PRDM8: variants seen among roughly 807,000 people sequenced by gnomAD.
The protein encoded by PRDM8 is PR domain zinc finger protein 8.
Under a neutral mutation model 46.5 loss-of-function variants are expected in PRDM8, and 13 were observed. The ratio of observed to expected loss-of-function variants is 0.28; its 90% CI spans 0.18 to 0.44. The LOEUF is 0.44. PRDM8 is among the 20% of genes least tolerant of loss of function. PRDM8 has a pLI of 1.00. For missense variants in PRDM8, 998 were observed against 955.0 expected (o/e 1.04, Z -0.59); for synonymous variants, 473 against 438.4 (o/e 1.08, Z -0.98).
intron 1 of PRDM8, among the ~76,000 whole-genome samples, chr4:80,198,451 G>T (rs1738137210): frequency 6.6e-6 from 1 of 152,114 alleles, no homozygotes; most frequent in Admixed American, 6.5e-5. Flanking sequence ...GAGATAAGAG[G>T]TTATGGGGTT....
At chr4:80,191,440 T>C (rs1174716760) in intron 1 of PRDM8, 1 of 143,296 alleles carries the variant, frequency 7.0e-6, no homozygotes. Context: ...TAAAAGGAGA[T>C]TATGAATAAT....
Position 80,201,403 on chromosome 4 carries a change from G to A in PRDM8, c.333G>A (p.Gln111=). 6.2e-7 allele frequency: 1 copy of A among 1,614,240 alleles called. No individual in the cohort carries two copies. Among genetic ancestry groups the A allele is most frequent in the Non-Finnish European group, 8.5e-7 (1 of 1,180,036 alleles). ...QNLEAYIKNG[Q]LFYRSLRRIA... ...TTGAAGCCTACATAAAAAACGGACA[G>A]CTGTTCTACCGCTCTCTCCGCAGGA... The change falls in exon 3 of 4, where the codon CAG becomes CAA. Residue 111 remains glutamine, a synonymous_variant. Coordinates refer to ENST00000415738, the MANE Select transcript of PRDM8 (RefSeq NM_001099403.2).
At chr4:80,196,730 GA>G (rs952025261), upstream of PRDM8, 8 of 884,212 alleles carry the variant, frequency 9.0e-6, no homozygotes, top group Admixed American at 5.0e-4. Context: ...AAAACCCCAC[GA>G]AAACAAAAAC....
upstream of PRDM8, chr4:80,196,890 C>T (rs1738001613): frequency 1.0e-6 from 1 of 983,402 alleles, no homozygotes. Flanking sequence ...ATTCTCACTC[C>T]AACCTCATCT....
rs1016824364 is a variant in PRDM8 at position 80,200,102 on chromosome 4, C to T, written c.22C>T (p.Arg8Ter). 2 of 1,613,708 alleles carry T rather than the reference C, an allele frequency of 1.2e-6. No homozygotes were observed. Among genetic ancestry groups the T allele is most frequent in the Admixed American group, 1.7e-5 (1 of 59,998 alleles). Reference protein sequence around the residue: MEDTGIQRGIWDGDAKAV... With the variant: MEDTGIQ ...AGTGATGGAGGATACTGGCATCCAG[C>T]GAGGCATCTGGGATGGAGATGCCAA... Residue 8 changes from arginine to a stop codon, truncating the protein, a stop_gained, in exon 2 of 4, where the codon CGA becomes TGA. Transcript: ENST00000415738. LOFTEE classifies it high-confidence loss of function.
Position 80,187,248 on chromosome 4 carries a change from GC to G in PRDM8, c.-983+1731del, listed in dbSNP as rs1490636965. 8.5e-5 allele frequency among the ~76,000 whole-genome samples: 8 copies of G among 93,766 alleles called. 1 individual carries two copies. The East Asian group carries it at 3.8e-3, about 44-fold the overall frequency. The allele number at this position is 93,766 out of a possible 152,430, so 61.5% of individuals were successfully genotyped here. On this transcript the variant is annotated intron_variant, in intron 1 of 9. Transcript: ENST00000339711. Reference sequence around the variant, plus strand: ...CTGTATCAGCATTCTCTGCCCTGGGGCGGGGGGAAGCAGAAGAATATCATCT... The same window carrying G: ...CTGTATCAGCATTCTCTGCCCTGGGGGGGGGGAAGCAGAAGAATATCATCT...
upstream of PRDM8, chr4:80,194,131 G>A: frequency 1.2e-6 from 1 of 801,778 alleles, no homozygotes; most frequent in Non-Finnish European, 1.5e-6. Context: ...AGCCACCTGG[G>A]GTGTCATTTA....
intron 1 of PRDM8, among the ~76,000 whole-genome samples, chr4:80,189,037 C>G (rs146994336): frequency 0.011 from 1,599 of 152,238 alleles, 13 homozygotes; most frequent in Non-Finnish European, 0.016. Context: ...AGGGCTGGAG[C>G]CATCCACCCG....
upstream of PRDM8, chr4:80,197,314 C>T (rs1738033463): frequency 5.2e-6 from 5 of 965,676 alleles, no homozygotes; most frequent in Non-Finnish European, 6.2e-6. Flanking sequence ...CTCTGAGAGG[C>T]GTTGCCACCC....
rs1738610630 is a variant in PRDM8 at position 80,202,691 on chromosome 4, C to A, written c.1229C>A (p.Ala410Asp). The A allele has an allele frequency of 3.0e-5, 41 of 1,379,320 alleles. No homozygotes were observed. The highest frequency in any genetic ancestry group is 3.6e-5 in the Non-Finnish European group (39 of 1,071,900). 85.4% of individuals were successfully genotyped at this position (1,379,320 alleles called of 1,614,324 possible). The part of the protein sequence containing the change: ...EEGTADGAGV[A>D]SEDQDAGGGG... ...GGGACAGCCGACGGCGCGGGAGTCG[C>A]CTCCGAGGACCAGGACGCTGGCGGC... is the stretch of plus-strand genomic sequence containing the variant. The change falls in exon 4 of 4, where the codon GCC becomes GAC. Residue 410 changes from alanine (A) to aspartate (D), a missense_variant. Coordinates refer to ENST00000415738, the MANE Select transcript of PRDM8 (RefSeq NM_001099403.2).
rs1405155051 is a variant in PRDM8, at chr4:80,203,536, G to A, written c.*4G>A. ...GCACATGACCTCGCATAATTGACTC[G>A]GAAAGGACCCCAGCTTTCCACGCGC... On this transcript the variant is annotated 3_prime_UTR_variant, in exon 4 of 4. Transcript: ENST00000415738. 6.2e-7 allele frequency: 1 copy of A among 1,603,554 alleles called. No homozygotes were observed. Among genetic ancestry groups the A allele is most frequent in the Non-Finnish European group, 8.5e-7 (1 of 1,174,052 alleles).
In PRDM8 at chr4:80,202,498, G is replaced by A. The variant is rs1738582851; in HGVS notation, c.1036G>A (p.Glu346Lys). ...AGAGCGGCCCCTCCCGGCCTCCAAG[G>A]AGGATCTGGTGTGCACACCGCAGCA... ...FVERPLPASK[E>K]DLVCTPQQYR... Residue 346 changes from glutamate (E) to lysine (K), a missense_variant, in exon 4 of 4, where the codon GAG becomes AAG. By Grantham distance (56) the Glu-to-Lys change is moderately conservative. Transcript: ENST00000415738. 1 of 1,540,646 alleles carries A rather than the reference G, an allele frequency of 6.5e-7. No individual in the cohort carries two copies. Among genetic ancestry groups the A allele is most frequent in the Non-Finnish European group, 8.7e-7 (1 of 1,146,572 alleles).
chr4:80,196,508 T>C (rs1459551246), upstream of PRDM8: 1 of 985,312 alleles, frequency 1.0e-6, no homozygotes, highest in Non-Finnish European at 1.2e-6. Flanking sequence ...CTAAGTGGCT[T>C]AGCGCACAAA....
rs374385368 is a variant in PRDM8 at position 80,201,921 on chromosome 4, C to A, written c.459C>A (p.Ser153=). 230 of 1,613,724 alleles carry A rather than the reference C, an allele frequency of 1.4e-4. No individual in the cohort carries two copies. Among genetic ancestry groups the A allele is most frequent in the Non-Finnish European group, 1.9e-4 (220 of 1,179,932 alleles). The part of the protein sequence containing the change: ...SRSHNKMNGS[S]PYTCLECSQR... Reference sequence around the variant, plus strand: ...TGTTTGCTCACTAAGCAGGGTCGTCCCCTTACACATGCCTGGAATGCAGCC... The same window carrying A: ...TGTTTGCTCACTAAGCAGGGTCGTCACCTTACACATGCCTGGAATGCAGCC... Residue 153 remains serine (S), a synonymous_variant, in exon 4 of 4, where the codon TCC becomes TCA. Transcript: ENST00000415738.
At chr4:80,201,766 T>A in intron 3 of PRDM8, 148 bp from the exon 4 acceptor site, 1 of 1,224,014 alleles carries the variant, frequency 8.2e-7, no homozygotes, top group Non-Finnish European at 1.2e-6. Flanking sequence ...CATTCTTTTC[T>A]CAGGCACTCA....
At chr4:80,200,386 TAG>T (rs1738351324) in intron 2 of PRDM8, 87 bp downstream of exon 2, 1 of 1,261,006 alleles carries the variant, frequency 7.9e-7, no homozygotes, top group Non-Finnish European at 1.1e-6. Context: ...CAAGTGGAGA[TAG>T]GTTTTGCCTG....
rs541380715 is a variant in PRDM8, at chr4:80,203,668, GCC to G, written c.*142_*143del. ...AGACACATACATTCACCGCCCCCCC[GCC>G]CCCCCAACGCGCACACACACGTCCT... On this transcript the variant is annotated 3_prime_UTR_variant, in exon 4 of 4. Coordinates refer to ENST00000415738, the MANE Select transcript of PRDM8 (RefSeq NM_001099403.2). 8 of 1,296,684 alleles carry G rather than the reference GCC, an allele frequency of 6.2e-6. No individual in the cohort carries two copies. The African/African-American group carries it at 2.3e-4, about 37-fold the overall frequency. The allele number at this position is 1,296,684 out of a possible 1,614,324, so 80.3% of individuals were successfully genotyped here.
chr4:80,202,529 G>A lies in PRDM8; in HGVS notation c.1067G>A (p.Arg356Gln). The change falls in exon 4 of 4, where the codon CGA becomes CAA. Residue 356 changes from arginine (R) to glutamine (Q), a missense_variant. Coordinates refer to ENST00000415738, the MANE Select transcript of PRDM8 (RefSeq NM_001099403.2). ...CTGGTGTGCACACCGCAGCAGTACC[G>A]AGCCTCGGGCAGCTACTTCGGCCTG... The part of the protein sequence containing the change: ...EDLVCTPQQY[R>Q]ASGSYFGLEE... 1.3e-6 allele frequency: 2 copies of A among 1,517,430 alleles called. No individual in the cohort carries two copies. The highest frequency in any genetic ancestry group is 1.8e-6 in the Non-Finnish European group (2 of 1,135,826). The allele number at this position is 1,517,430 out of a possible 1,614,324, so 94.0% of individuals were successfully genotyped here.
chr4:80,192,704 G>A (rs1737648018), upstream of PRDM8, among the ~76,000 whole-genome samples: 1 of 152,186 alleles, frequency 6.6e-6, no homozygotes, highest in Non-Finnish European at 1.5e-5. Context: ...CTCATCTGGG[G>A]AAGAGTATAA....
Sources: allele counts gnomAD v4.1 joint callset (sites outside exome capture counted in the v4.1 genomes callset), GRCh38; gene constraint gnomAD v4.1.1; transcripts MANE v1.5; gene names NCBI Gene and HGNC (gene_info 2026-07-23, HGNC 2026-07-21).